RAB38: variants seen among roughly 807,000 people sequenced by gnomAD.
RAB38 encodes the protein RAB38, member RAS oncogene family.
In RAB38, 15 loss-of-function variants were observed where a neutral mutation model predicts 18.4. The ratio of observed to expected loss-of-function variants is 0.82; its 90% CI spans 0.55 to 1.26. The LOEUF (loss-of-function observed/expected upper bound fraction) is 1.26. Among genes scored for constraint, RAB38 ranks in the 50% most tolerant of loss-of-function variants. RAB38 has a pLI of 0.00. For synonymous variants in RAB38, 101 were observed against 104.4 expected (o/e 0.97, Z 0.20); for missense variants, 294 against 267.4 (o/e 1.10, Z -0.69).
the RAB38 span, among the ~76,000 whole-genome samples, chr11:88,074,204 T>C: frequency 6.6e-6 from 1 of 152,140 alleles, no homozygotes; most frequent in Non-Finnish European, 1.5e-5. Context: ...ATTCTGAAGT[T>C]ATAAAGCTCA....
the RAB38 span, among the ~76,000 whole-genome samples, chr11:87,960,381 AAAAAAAG>A: frequency 6.7e-6 from 1 of 149,584 alleles, no homozygotes; most frequent in South Asian, 2.1e-4. Context: ...GAAGACAACA[AAAAAAAG>A]AAAAAAAGAG....
the RAB38 span, among the ~76,000 whole-genome samples, chr11:88,016,523 C>T: frequency 8.5e-5 from 13 of 152,082 alleles, no homozygotes; most frequent in African/African-American, 2.7e-4. Context: ...CACAGATGTT[C>T]TCTCCCAGCT....
chr11:88,143,796 A>T (rs1432286324), intron 2 of RAB38, among the ~76,000 whole-genome samples: 1 of 152,202 alleles, frequency 6.6e-6, no homozygotes. Flanking sequence ...TACAAACTGA[A>T]CTATGGTTAT....
chr11:88,011,346 T>C, the RAB38 span, among the ~76,000 whole-genome samples: 1 of 152,364 alleles, frequency 6.6e-6, no homozygotes. Context: ...TATAGTCTCA[T>C]TTAATCTAAC....
At chr11:88,067,874 C>A in the RAB38 span, among the ~76,000 whole-genome samples, 2 of 151,274 alleles carry the variant, frequency 1.3e-5, no homozygotes, top group African/African-American at 4.9e-5. Context: ...ATGTAACAAA[C>A]CTGCACGTTC....
At chr11:87,880,577 C>G in the RAB38 span, among the ~76,000 whole-genome samples, 1 of 151,738 alleles carries the variant, frequency 6.6e-6, no homozygotes, top group Non-Finnish European at 1.5e-5. Flanking sequence ...TACACTGTTT[C>G]CAGTTGAGGC....
At chr11:88,065,476 T>G in the RAB38 span, among the ~76,000 whole-genome samples, 1 of 152,168 alleles carries the variant, frequency 6.6e-6, no homozygotes, top group Admixed American at 6.6e-5. Flanking sequence ...CAAAATTAGT[T>G]GACCTAGGTT....
At chr11:88,007,034 TA>T in the RAB38 span, among the ~76,000 whole-genome samples, 1 of 151,918 alleles carries the variant, frequency 6.6e-6, no homozygotes, top group Non-Finnish European at 1.5e-5. Context: ...AAATAATGTT[TA>T]ATGTGATGGA....
chr11:88,116,305 G>A (rs1368312569), intron 2 of RAB38, among the ~76,000 whole-genome samples: 1 of 152,162 alleles, frequency 6.6e-6, no homozygotes, highest in Non-Finnish European at 1.5e-5. Context: ...TTCCACTTAA[G>A]AGCCATCACA....
chr11:88,158,960 A>G (rs1472448156), intron 1 of RAB38, among the ~76,000 whole-genome samples: 1 of 152,116 alleles, frequency 6.6e-6, no homozygotes, highest in Non-Finnish European at 1.5e-5. Context: ...CCAAATAGGA[A>G]AACAAAAAGT....
the RAB38 span, among the ~76,000 whole-genome samples, chr11:87,945,810 C>T: frequency 6.6e-6 from 1 of 152,174 alleles, no homozygotes; most frequent in Non-Finnish European, 1.5e-5. Context: ...TGCCCTGCTA[C>T]ACTTGGCGTC....
the RAB38 span, among the ~76,000 whole-genome samples, chr11:87,894,143 A>G: frequency 6.6e-6 from 1 of 151,626 alleles, no homozygotes; most frequent in African/African-American, 2.4e-5. Context: ...CTTTAGTTAG[A>G]TTCATTCCTA....
the RAB38 span, among the ~76,000 whole-genome samples, chr11:87,855,183 C>A: frequency 6.6e-6 from 1 of 152,074 alleles, no homozygotes; most frequent in Non-Finnish European, 1.5e-5. Flanking sequence ...TATTAGTAAG[C>A]TAAGGAAATT....
At chr11:88,091,014 C>G in the RAB38 span, among the ~76,000 whole-genome samples, 1 of 152,082 alleles carries the variant, frequency 6.6e-6, no homozygotes, top group Non-Finnish European at 1.5e-5. Context: ...ACAAAACATA[C>G]ATTTTAGAAC....
chr11:87,901,924 C>CT, the RAB38 span, among the ~76,000 whole-genome samples: 5,462 of 143,512 alleles, frequency 0.038, 335 homozygotes, highest in African/African-American at 0.13. Flanking sequence ...GTTTGGCTGA[C>CT]TTTTTTTTTT....
At chr11:87,929,892 A>G in the RAB38 span, among the ~76,000 whole-genome samples, 5 of 151,904 alleles carry the variant, frequency 3.3e-5, no homozygotes, top group African/African-American at 1.2e-4. Flanking sequence ...AAGGACATGA[A>G]CTCATCATTT....
chr11:88,015,984 G>T, the RAB38 span, among the ~76,000 whole-genome samples: 3 of 151,970 alleles, frequency 2.0e-5, no homozygotes, highest in Non-Finnish European at 4.4e-5. Flanking sequence ...CTCCCAATGG[G>T]GTAGCCCTTG....
At chr11:87,895,986 C>T in the RAB38 span, among the ~76,000 whole-genome samples, 1 of 151,622 alleles carries the variant, frequency 6.6e-6, no homozygotes, top group African/African-American at 2.4e-5. Flanking sequence ...ATTATTTAAG[C>T]CTGCGTATTA....
the RAB38 span, among the ~76,000 whole-genome samples, chr11:87,865,340 A>G: frequency 6.6e-5 from 10 of 151,720 alleles, no homozygotes; most frequent in Non-Finnish European, 1.3e-4. Flanking sequence ...ATAAAAGGGA[A>G]GCAGAAAAAT....
Sources: gnomAD v4.1 joint callset for allele counts (sites outside exome capture counted in the v4.1 genomes callset) on GRCh38, gnomAD v4.1.1 for gene constraint, MANE v1.5 for transcripts, NCBI Gene and HGNC (gene_info 2026-07-23, HGNC 2026-07-21) for gene names.